The following GNPDA1 variants were observed in gnomAD, a reference collection of about 807,000 sequenced individuals.
GNPDA1 encodes the protein GNPDA 1.
In GNPDA1, 24 loss-of-function variants were observed where a neutral mutation model predicts 28.5. The ratio of observed to expected loss-of-function variants is 0.84; its 90% CI spans 0.61 to 1.19. The LOEUF (loss-of-function observed/expected upper bound fraction) is 1.19, where lower values mean the gene tolerates loss of function less well. GNPDA1 is among the 50% of genes most tolerant of loss of function. The pLI is 0.00. For missense variants in GNPDA1, 264 were observed against 367.3 expected (o/e 0.72, Z 2.30); for synonymous variants, 147 against 139.3 (o/e 1.06, Z -0.39).
At position 142,007,913 on chromosome 5, in the gene GNPDA1, C is replaced by G; in HGVS notation, c.125-13G>C. The G allele has an allele frequency of 4.7e-6, 7 of 1,497,954 alleles. No individual in the cohort carries two copies. The highest frequency in any genetic ancestry group is 6.5e-6 in the Non-Finnish European group (7 of 1,074,040). 92.8% of individuals were successfully genotyped at this position (1,497,954 alleles called of 1,614,324 possible). On this transcript the variant is annotated splice_polypyrimidine_tract_variant and intron_variant, in intron 2 of 6. Coordinates refer to ENST00000311337, the MANE Select transcript of GNPDA1 (RefSeq NM_005471.5). ...AGTGGGGTACTCCCTGCAAGAGTGG[C>G]CACACCCATGAACACCCCTTGCACC... is the stretch of plus-strand genomic sequence containing the variant.
chr5:142,005,549 G>T (rs1211860476), intron 4 of GNPDA1: 1 of 163,204 alleles, frequency 6.1e-6, no homozygotes, highest in Non-Finnish European at 1.4e-5. Context: ...GGCTGCCAAG[G>T]TTCTAAAATC....
At chr5:142,007,755 A>C in intron 3 of GNPDA1, 44 bp downstream of exon 3, 1 of 1,167,142 alleles carries the variant, frequency 8.6e-7, no homozygotes, top group Non-Finnish European at 1.3e-6. Flanking sequence ...GAGGAGCATC[A>C]CTCTCCTAGA....
chr5:142,012,015 C>G lies in GNPDA1; in HGVS notation c.21G>C (p.Glu7Asp), dbSNP rs767356060. 6.2e-7 allele frequency: 1 copy of G among 1,605,032 alleles called. No homozygotes were observed. The highest frequency in any genetic ancestry group is 8.5e-7 in the Non-Finnish European group (1 of 1,172,508). MKLIIL[E>D]HYSQASEWAA... ...CCCACTCGCTCGCCTGAGAATAGTG[C>G]TCCAGGATGATGAGCTTCATCTTGT... Residue 7 changes from glutamate (E) to aspartate (D), a missense_variant, in exon 2 of 7, where the codon GAG (glutamate) becomes GAC (aspartate). Transcript: ENST00000311337.
rs1755757267 is a variant in GNPDA1 at position 142,004,728 on chromosome 5, C to T, written c.594+204G>A. The T allele has an allele frequency of 6.8e-6, 3 of 439,740 alleles. No homozygotes were observed. In the South Asian group the frequency reaches 1.8e-4, roughly 27 times the overall value. 27.2% of individuals were successfully genotyped at this position (439,740 alleles called of 1,614,324 possible). A position where few individuals can be genotyped will look rare whatever the true frequency, so the allele number is the denominator to read the frequency against. On this transcript the variant is annotated intron_variant, in intron 5 of 6. Transcript: ENST00000311337. ...GTCAGCCAAAGGCACCAAAAACGTG[C>T]TCAAGGGATTCACCTCACACTGGGA...
Position 142,001,978 on chromosome 5 carries a change from A to T in GNPDA1, c.*51T>A. Reference sequence around the variant, plus strand: ...ATTCTTTCTTCTAAAGACAATTTCCAGAAAGACCTGCCTTTCCCTATGGGT... The same window carrying T: ...ATTCTTTCTTCTAAAGACAATTTCCTGAAAGACCTGCCTTTCCCTATGGGT... On this transcript the variant is annotated 3_prime_UTR_variant, in exon 7 of 7. Transcript: ENST00000311337. 1 of 917,306 alleles carries T rather than the reference A, an allele frequency of 1.1e-6. No homozygotes were observed. Among genetic ancestry groups the T allele is most frequent in the Non-Finnish European group, 1.8e-6 (1 of 566,764 alleles). The allele number at this position is 917,306 out of a possible 1,614,324, so 56.8% of individuals were successfully genotyped here.
chr5:142,006,359 G>A lies in GNPDA1; in HGVS notation c.227-33C>T, dbSNP rs912751027. 6.4e-6 allele frequency: 10 copies of A among 1,552,304 alleles called. No individual in the cohort carries two copies. The African/African-American group carries it at 8.1e-5, about 13-fold the overall frequency. ...GCCGTGAGACACTCGGTTATGCCTA[G>A]GCCAAGCCAAAGCCCCTCTCCTAAG... On this transcript the variant is annotated intron_variant, in intron 3 of 6. Transcript: ENST00000311337.
chr5:142,004,363 G>T (rs1004464535), intron 5 of GNPDA1, among the ~76,000 whole-genome samples: 55 of 152,196 alleles, frequency 3.6e-4, no homozygotes, highest in African/African-American at 1.2e-3. Flanking sequence ...GAAAGGAAGA[G>T]AAAATGCTTC....
In GNPDA1 at chr5:142,003,127, T is replaced by C; in HGVS notation, c.730A>G (p.Thr244Ala). The C allele has an allele frequency of 6.2e-7, 1 of 1,614,088 alleles. No individual in the cohort carries two copies. The change falls in exon 6 of 7, where the codon ACC becomes GCC. Residue 244 changes from threonine to alanine, a missense_variant. Physicochemically the swap from Thr to Ala is moderately conservative, Grantham distance 58 (BLOSUM62 0). Transcript: ENST00000311337. The surrounding 1 kb of genome is among the most constrained non-coding windows in gnomAD (Gnocchi z 4.0). Reference protein sequence around the residue: ...RTVFVCDEDATLELKVKTVKY... With the variant: ...RTVFVCDEDAALELKVKTVKY... ...ACAGTCTTCACTTTCAGCTCCAAGGTGGCATCCTCGTCACACACAAACACG... is the reference window on the plus strand; with the variant it reads ...ACAGTCTTCACTTTCAGCTCCAAGGCGGCATCCTCGTCACACACAAACACG...
At chr5:142,010,568 T>C (rs1178187392) in intron 2 of GNPDA1, among the ~76,000 whole-genome samples, 1 of 151,160 alleles carries the variant, frequency 6.6e-6, no homozygotes, top group Non-Finnish European at 1.5e-5. Context: ...TGGAGTGCAA[T>C]TGCACAATCA....
At position 142,002,141 on chromosome 5, in the gene GNPDA1, T is replaced by A. The variant is rs1561569985; in HGVS notation, c.770-12A>T. Reference sequence around the variant, plus strand: ...AACAAGCATTAAACCTACAAAAAATTAAAAACAAAAAGTAGTTAATTCAGG... The same window carrying A: ...AACAAGCATTAAACCTACAAAAAATAAAAAACAAAAAGTAGTTAATTCAGG... On this transcript the variant is annotated splice_polypyrimidine_tract_variant and intron_variant, in intron 6 of 6. Transcript: ENST00000311337. 2.8e-6 allele frequency: 4 copies of A among 1,436,776 alleles called. No individual in the cohort carries two copies. The Admixed American group carries it at 5.3e-5, about 19-fold the overall frequency. The allele number at this position is 1,436,776 out of a possible 1,614,324, so 89.0% of individuals were successfully genotyped here. A position where few individuals can be genotyped will look rare whatever the true frequency, so the allele number is the denominator to read the frequency against.
chr5:142,002,867 G>A (rs763204571), intron 6 of GNPDA1, among the ~76,000 whole-genome samples: 84 of 152,200 alleles, frequency 5.5e-4, no homozygotes, highest in Non-Finnish European at 1.1e-3. Context: ...ACCACATTGC[G>A]TTTTCTTTCC....
chr5:142,012,204 G>C, intron 1 of GNPDA1, 163 bp from the exon 2 acceptor site: 1 of 610,748 alleles, frequency 1.6e-6, no homozygotes, highest in Non-Finnish European at 2.6e-6. Flanking sequence ...TAAGAGGCTA[G>C]GCCAGTCGTC....
At chr5:142,009,623 T>C (rs1374651490) in intron 2 of GNPDA1, among the ~76,000 whole-genome samples, 3 of 152,058 alleles carry the variant, frequency 2.0e-5, no homozygotes, top group African/African-American at 7.2e-5. Flanking sequence ...CCACCCAAAA[T>C]AATTAGTTGG....
rs200140175 is a variant in GNPDA1 at position 142,006,129 on chromosome 5, G to C, written c.409+15C>G. ...TCTGGCCCTGGACATGTGTGCTGCA[G>C]AGTGTCAAGCTCACCTCCAACAAAT... On this transcript the variant is annotated intron_variant, in intron 4 of 6. Transcript: ENST00000311337. 1 of 1,604,014 alleles carries C rather than the reference G, an allele frequency of 6.2e-7. No individual in the cohort carries two copies. Among genetic ancestry groups the C allele is most frequent in the Admixed American group, 1.7e-5 (1 of 59,812 alleles).
At chr5:142,005,946 G>A in intron 4 of GNPDA1, 198 bp downstream of exon 4, 1 of 510,088 alleles carries the variant, frequency 2.0e-6, no homozygotes, top group Non-Finnish European at 3.5e-6. Context: ...TTACAGACAA[G>A]GCATCAAACT....
chr5:142,002,948 A>T, intron 6 of GNPDA1, 140 bp downstream of exon 6: 1 of 637,726 alleles, frequency 1.6e-6, no homozygotes, highest in Non-Finnish European at 2.7e-6. Flanking sequence ...ATGACTGTGT[A>T]GTGTGATGCA....
In GNPDA1 at chr5:142,003,415, C is replaced by T. The variant is rs1032777261; in HGVS notation, c.595-153G>A. ...CCTGTGCTTTATCACACAAATAACCCGAGGCAGGCAGCATCATTATCTCCA... is the reference window on the plus strand; with the variant it reads ...CCTGTGCTTTATCACACAAATAACCTGAGGCAGGCAGCATCATTATCTCCA... On this transcript the variant is annotated intron_variant, in intron 5 of 6. Transcript: ENST00000311337. This position sits in a 1 kb window ranked among gnomAD's most constrained non-coding sequence, Gnocchi z 4.0. Among the ~76,000 whole-genome samples, 9 of 152,146 alleles carry T rather than the reference C, an allele frequency of 5.9e-5. No homozygotes were observed. The highest frequency in any genetic ancestry group is 1.9e-4 in the African/African-American group (8 of 41,432).
intron 6 of GNPDA1, 141 bp downstream of exon 6, chr5:142,002,947 T>C (rs1755712409): frequency 3.1e-6 from 2 of 641,046 alleles, no homozygotes; most frequent in Non-Finnish European, 5.4e-6. Flanking sequence ...AATGACTGTG[T>C]AGTGTGATGC....
Position 142,003,260 on chromosome 5 carries a change from C to T in GNPDA1, c.597G>A (p.Val199=), listed in dbSNP as rs1382383518. Reference sequence around the variant, plus strand: ...TGTGAGCACCTGTGATAAGGATCATCACCTGGGGATCAGAAAACAAGTCTG... The same window carrying T: ...TGTGAGCACCTGTGATAAGGATCATTACCTGGGGATCAGAAAACAAGTCTG... ...GVGTVMDARE[V]MILITGAHKA... is the part of the protein sequence containing the mutation. Residue 199 remains valine, a splice_region_variant and synonymous_variant, in exon 6 of 7, where the codon GTG becomes GTA. Transcript: ENST00000311337. The surrounding 1 kb of genome is among the most constrained non-coding windows in gnomAD (Gnocchi z 4.0). The T allele has an allele frequency of 6.2e-7, 1 of 1,607,026 alleles. No homozygotes were observed. Among genetic ancestry groups the T allele is most frequent in the African/African-American group, 1.3e-5 (1 of 74,856 alleles).
Sources: allele counts gnomAD v4.1 joint callset (sites outside exome capture counted in the v4.1 genomes callset), GRCh38; gene constraint gnomAD v4.1.1; non-coding constraint Gnocchi (gnomAD v3.1); transcripts MANE v1.5; gene names NCBI Gene and HGNC (gene_info 2026-07-23, HGNC 2026-07-21).